STXBP4: variants seen among roughly 807,000 people sequenced by gnomAD.
STXBP4 encodes the protein syntaxin binding protein 4.
In STXBP4, 55 loss-of-function variants were observed where a neutral mutation model predicts 76.1. That is an observed-to-expected ratio of 0.72 (90% confidence interval 0.58 to 0.91). The LOEUF (loss-of-function observed/expected upper bound fraction) is 0.91, where lower values mean the gene tolerates loss of function less well. Among genes scored for constraint, STXBP4 ranks in the 40% least tolerant of loss-of-function variants. The pLI is 0.00. For missense variants in STXBP4, 618 were observed against 636.9 expected (o/e 0.97, Z 0.32); for synonymous variants, 201 against 220.2 (o/e 0.91, Z 0.77).
At chr17:55,031,562 G>A (rs2078510284) in intron 9 of STXBP4, among the ~76,000 whole-genome samples, 1 of 152,086 alleles carries the variant, frequency 6.6e-6, no homozygotes, top group Non-Finnish European at 1.5e-5. Context: ...AAAAGAAACA[G>A]TACAAAATAT....
chr17:55,041,908 T>G (rs151109419), intron 10 of STXBP4, among the ~76,000 whole-genome samples: 10 of 152,298 alleles, frequency 6.6e-5, no homozygotes, highest in African/African-American at 2.4e-4. Flanking sequence ...CTGGGAAATA[T>G]TATTACATTT....
rs2080357669 is a variant in STXBP4, at chr17:55,163,812, A to G, written c.*3901A>G. ...TAAATTTGAAAAATTCCAAAATAAT[A>G]TTAACACCTCTTGACTAGAAAAGGA... is the stretch of plus-strand genomic sequence containing the variant. On this transcript the variant is annotated 3_prime_UTR_variant, in exon 18 of 18. Coordinates refer to ENST00000376352, the MANE Select transcript of STXBP4 (RefSeq NM_178509.6). The G allele has an allele frequency of 6.9e-6, 1 of 144,584 alleles. No individual in the cohort carries two copies. Among genetic ancestry groups the G allele is most frequent in the South Asian group, 2.3e-4 (1 of 4,414 alleles). The allele number at this position is 144,584 out of a possible 1,614,324, so 9.0% of individuals were successfully genotyped here.
intron 4 of STXBP4, among the ~76,000 whole-genome samples, chr17:54,995,153 C>A (rs890476226): frequency 6.6e-6 from 1 of 152,176 alleles, no homozygotes; most frequent in Non-Finnish European, 1.5e-5. Flanking sequence ...CTGACACATA[C>A]ATACTTGCTC....
chr17:54,978,581 G>A lies in STXBP4; in HGVS notation c.-156-7033G>A, dbSNP rs556219508. ...ACCTTAGCAAATGAAGATGAAAGAA[G>A]AAAATAACATAAAGGGTAAAATGAC... On this transcript the variant is annotated intron_variant, in intron 1 of 17. Transcript: ENST00000376352. 7.9e-5 allele frequency among the ~76,000 whole-genome samples: 12 copies of A among 152,052 alleles called. 1 individual carries two copies. In the South Asian group the frequency reaches 2.3e-3, roughly 29 times the overall value.
rs768111065 is a variant in STXBP4, at chr17:55,078,059, T to C, written c.1189-19T>C. On this transcript the variant is annotated intron_variant, in intron 13 of 17. Transcript: ENST00000376352. The stretch of plus-strand genomic sequence containing the variant: ...AACTGAAGAAATGTGTAAATGCTCC[T>C]TTTGATATCTCTGTGCAGGAAAGTG... 2.7e-6 allele frequency: 4 copies of C among 1,508,230 alleles called. No homozygotes were observed. Among genetic ancestry groups the C allele is most frequent in the Non-Finnish European group, 2.7e-6 (3 of 1,104,736 alleles). 93.4% of individuals were successfully genotyped at this position (1,508,230 alleles called of 1,614,324 possible). A position where few individuals can be genotyped will look rare whatever the true frequency, so the allele number is the denominator to read the frequency against.
At chr17:55,000,677 C>T in intron 6 of STXBP4, 131 bp from the exon 7 acceptor site, 1 of 700,164 alleles carries the variant, frequency 1.4e-6, no homozygotes, top group Non-Finnish European at 2.5e-6. Context: ...ATGCATATAC[C>T]AAAATTTTAG....
chr17:55,100,321 G>A (rs576984465), intron 16 of STXBP4, among the ~76,000 whole-genome samples: 1 of 152,304 alleles, frequency 6.6e-6, no homozygotes, highest in East Asian at 1.9e-4. Flanking sequence ...ATCATGTTTA[G>A]AGACTGTGGA....
chr17:55,185,239 TCTTCTTCTTCTCCTTCTC>T, the STXBP4 span, among the ~76,000 whole-genome samples: 4 of 46,342 alleles, frequency 8.6e-5, no homozygotes, highest in East Asian at 1.0e-3. Flanking sequence ...TTCTTCTTCT[TCTTCTTCTTCTCCTTCTC>T]CTTCTCCTTC....
intron 12 of STXBP4, among the ~76,000 whole-genome samples, chr17:55,054,378 A>G (rs764127836): frequency 3.3e-5 from 5 of 152,068 alleles, no homozygotes; most frequent in Admixed American, 6.6e-5. Flanking sequence ...CATCCCAGCT[A>G]CTCGGAAGGC....
chr17:55,204,595 C>T, the STXBP4 span, among the ~76,000 whole-genome samples: 2 of 152,044 alleles, frequency 1.3e-5, no homozygotes, highest in African/African-American at 4.8e-5. Flanking sequence ...AAAAGTAGAT[C>T]ACTTACTCAC....
intron 8 of STXBP4, among the ~76,000 whole-genome samples, chr17:55,011,502 C>CTTTATCTT (rs1323375714): frequency 9.6e-4 from 33 of 34,276 alleles, no homozygotes; most frequent in African/African-American, 5.0e-3. Context: ...AGTTTATTTT[C>CTTTATCTT]TTTTTCTTTT....
chr17:55,081,895 G>A (rs2079260271), intron 16 of STXBP4, among the ~76,000 whole-genome samples: 2 of 152,176 alleles, frequency 1.3e-5, no homozygotes, highest in African/African-American at 2.4e-5. Flanking sequence ...AGAAATCCTT[G>A]GGGAAAACTT....
chr17:55,147,206 A>C (rs1327371023), intron 17 of STXBP4, among the ~76,000 whole-genome samples: 1 of 152,228 alleles, frequency 6.6e-6, no homozygotes, highest in East Asian at 1.9e-4. Context: ...CATTTTGTAG[A>C]AGATAATTTT....
chr17:55,047,124 A>G lies in STXBP4; in HGVS notation c.981A>G (p.Gln327=), dbSNP rs1180202011. The change falls in exon 12 of 18, where the codon CAA becomes CAG. Residue 327 remains glutamine (Q), a synonymous_variant. Coordinates refer to ENST00000376352, the MANE Select transcript of STXBP4 (RefSeq NM_178509.6). ...TGGAATCAGATAAGCAAAGGAAACA[A>G]TTGACAGAAGAGCTCCAGAATGTGA... ...KLLESDKQRK[Q]LTEELQNVKQ... 1.2e-6 allele frequency: 2 copies of G among 1,608,050 alleles called. No individual in the cohort carries two copies. Among genetic ancestry groups the G allele is most frequent in the African/African-American group, 2.7e-5 (2 of 74,626 alleles).
chr17:55,063,295 A>G (rs2079015276), intron 12 of STXBP4, among the ~76,000 whole-genome samples: 1 of 152,258 alleles, frequency 6.6e-6, no homozygotes, highest in South Asian at 2.1e-4. Context: ...CATGTTAATG[A>G]TTCTAAGAGA....
At chr17:55,117,884 G>A (rs1315233180) in intron 16 of STXBP4, among the ~76,000 whole-genome samples, 2 of 151,922 alleles carry the variant, frequency 1.3e-5, no homozygotes, top group African/African-American at 4.8e-5. Flanking sequence ...CTGTGTGTCA[G>A]ACACTGTATT....
chr17:54,985,213 G>C (rs541545923), intron 1 of STXBP4, among the ~76,000 whole-genome samples: 1 of 152,290 alleles, frequency 6.6e-6, no homozygotes, highest in African/African-American at 2.4e-5. Flanking sequence ...GGCACCTACT[G>C]TACCTCTGTA....
intron 10 of STXBP4, among the ~76,000 whole-genome samples, chr17:55,042,718 A>G (rs1397476653): frequency 1.3e-5 from 2 of 152,022 alleles, no homozygotes; most frequent in Non-Finnish European, 2.9e-5. Context: ...ATTATCTTCA[A>G]TCTACAATTT....
intron 16 of STXBP4, among the ~76,000 whole-genome samples, chr17:55,117,900 A>G (rs2079800542): frequency 6.6e-6 from 1 of 151,946 alleles, no homozygotes; most frequent in South Asian, 2.1e-4. Flanking sequence ...GTATTGAATG[A>G]GGAATAAAAC....
Sources: gnomAD v4.1 joint callset for allele counts (sites outside exome capture counted in the v4.1 genomes callset) on GRCh38, gnomAD v4.1.1 for gene constraint, MANE v1.5 for transcripts, NCBI Gene and HGNC (gene_info 2026-07-23, HGNC 2026-07-21) for gene names.